Variants in ANKRD36 observed in about 807,000 individuals in gnomAD.
The protein encoded by ANKRD36 is ankyrin repeat domain-containing protein 36A.
In ANKRD36, 179 loss-of-function variants were observed where a neutral mutation model predicts 278.1. That is an observed-to-expected ratio of 0.64 (90% CI 0.57 to 0.73). ANKRD36 has a LOEUF of 0.73. Ranked by LOEUF, ANKRD36 falls within the 30% of genes least tolerant of loss-of-function variation. ANKRD36 has a pLI of 0.00. For synonymous variants in ANKRD36, 320 were observed against 641.1 expected (o/e 0.50, Z 7.57); for missense variants, 1,159 against 1,956.7 (o/e 0.59, Z 7.69).
chr2:97,217,885 GT>G (rs1241881453), intron 64 of ANKRD36, among the ~76,000 whole-genome samples: 1 of 151,518 alleles, frequency 6.6e-6, no homozygotes, highest in Non-Finnish European at 1.5e-5. Context: ...AGTTATTTAG[GT>G]AATTTTGGGG....
intron 22 of ANKRD36, among the ~76,000 whole-genome samples, chr2:97,173,874 TG>T (rs1047855391): frequency 1.6e-4 from 24 of 151,522 alleles, no homozygotes; most frequent in African/African-American, 4.1e-4. Context: ...TTTTGTTTTT[TG>T]GTTTTTTTTT....
intron 69 of ANKRD36, among the ~76,000 whole-genome samples, chr2:97,242,210 A>G (rs1488621966): frequency 1.3e-5 from 2 of 151,640 alleles, no homozygotes; most frequent in East Asian, 1.9e-4. Flanking sequence ...GAATCGCATG[A>G]AACTGGGAGG....
At chr2:97,191,318 A>G (rs1180600906) in intron 36 of ANKRD36, 137 bp downstream of exon 36, 3 of 1,106,290 alleles carry the variant, frequency 2.7e-6, no homozygotes, top group East Asian at 5.6e-5. Flanking sequence ...ATTTGCAGTA[A>G]GTTCTTGGGT....
In ANKRD36 at chr2:97,198,459, T is replaced by A; in HGVS notation, c.2654-4T>A. 5 of 1,578,482 alleles carry A rather than the reference T, an allele frequency of 3.2e-6. No homozygotes were observed. Among genetic ancestry groups the A allele is most frequent in the Non-Finnish European group, 4.3e-6 (5 of 1,164,382 alleles). On this transcript the variant is annotated splice_polypyrimidine_tract_variant and splice_region_variant and intron_variant, in intron 42 of 75. Transcript: ENST00000420699. Reference sequence around the variant, plus strand: ...AGTGATTATGAATCCCTTTTACTTTTCAGTGTCTTCTGAGAAACCACCAGG... The same window carrying A: ...AGTGATTATGAATCCCTTTTACTTTACAGTGTCTTCTGAGAAACCACCAGG...
At chr2:97,212,204 T>C (rs1450327679) in intron 58 of ANKRD36, among the ~76,000 whole-genome samples, 1 of 151,898 alleles carries the variant, frequency 6.6e-6, no homozygotes, top group Non-Finnish European at 1.5e-5. Flanking sequence ...GGAATAGGGA[T>C]TGTGAGTCAG....
chr2:97,242,852 C>G (rs1186666282), intron 69 of ANKRD36, among the ~76,000 whole-genome samples: 21 of 115,300 alleles, frequency 1.8e-4, no homozygotes, highest in Admixed American at 1.2e-3. Flanking sequence ...TTTCAACGTC[C>G]TTTTTCATAA....
At chr2:97,156,043 A>G (rs2047345428) in intron 15 of ANKRD36, among the ~76,000 whole-genome samples, 1 of 146,332 alleles carries the variant, frequency 6.8e-6, no homozygotes, top group South Asian at 2.1e-4. Flanking sequence ...AAAATATGTT[A>G]TAGAAGAAAA....
At chr2:97,182,861 A>G (rs2056573756) in intron 26 of ANKRD36, among the ~76,000 whole-genome samples, 1 of 151,744 alleles carries the variant, frequency 6.6e-6, no homozygotes, top group Non-Finnish European at 1.5e-5. Context: ...TAGGCACATT[A>G]TTACACCACA....
intron 56 of ANKRD36, 40 bp downstream of exon 56, chr2:97,209,912 A>G: frequency 1.9e-6 from 3 of 1,543,864 alleles, no homozygotes; most frequent in Non-Finnish European, 2.6e-6. Flanking sequence ...TTCAGTCCAG[A>G]TAGGTAAGAA....
chr2:97,129,469 A>C (rs2039502010), intron 6 of ANKRD36, among the ~76,000 whole-genome samples: 1 of 151,990 alleles, frequency 6.6e-6, no homozygotes, highest in Admixed American at 6.6e-5. Flanking sequence ...GAAGCTCTTT[A>C]GTTTAATTAG....
At chr2:97,170,067 C>A (rs2051968245) in intron 22 of ANKRD36, among the ~76,000 whole-genome samples, 1 of 151,802 alleles carries the variant, frequency 6.6e-6, no homozygotes. Context: ...GTACAGCTAC[C>A]AAAACAGTGA....
chr2:97,122,499 A>T (rs1289953883), intron 3 of ANKRD36, among the ~76,000 whole-genome samples: 1 of 146,354 alleles, frequency 6.8e-6, no homozygotes, highest in South Asian at 2.3e-4. Context: ...TACCTGAAAC[A>T]TTTATTACTG....
chr2:97,124,429 A>G, intron 4 of ANKRD36, 31 bp from the exon 5 acceptor site: 1 of 1,535,562 alleles, frequency 6.5e-7, no homozygotes, highest in Non-Finnish European at 8.8e-7. Flanking sequence ...AAATGTCATT[A>G]AAGTTTTTAA....
intron 67 of ANKRD36, among the ~76,000 whole-genome samples, chr2:97,230,009 T>TGTTA (rs1350266818): frequency 2.0e-5 from 3 of 152,142 alleles, no homozygotes; most frequent in Non-Finnish European, 4.4e-5. Flanking sequence ...AGAGATCCAC[T>TGTTA]GTTAGTCTGA....
At chr2:97,230,401 C>G (rs1255950020) in intron 67 of ANKRD36, among the ~76,000 whole-genome samples, 1 of 152,100 alleles carries the variant, frequency 6.6e-6, no homozygotes, top group East Asian at 2.0e-4. Flanking sequence ...TCTTCCATCA[C>G]TGATACCCTT....
chr2:97,227,362 C>T (rs2070177248), intron 67 of ANKRD36, among the ~76,000 whole-genome samples: 1 of 152,096 alleles, frequency 6.6e-6, no homozygotes, highest in Admixed American at 6.5e-5. Context: ...AGTTGGATTC[C>T]TAGGTATTTT....
chr2:97,229,493 G>C (rs1467885168), intron 67 of ANKRD36, among the ~76,000 whole-genome samples: 4 of 152,064 alleles, frequency 2.6e-5, no homozygotes, highest in African/African-American at 9.7e-5. Context: ...TTGCTTGGTA[G>C]ATCTTCCTCC....
chr2:97,231,767 A>G (rs1558962245), intron 67 of ANKRD36, among the ~76,000 whole-genome samples: 2 of 152,124 alleles, frequency 1.3e-5, no homozygotes, highest in South Asian at 2.1e-4. Flanking sequence ...GTTCCTATTC[A>G]GCAGTCTTGG....
At chr2:97,220,620 A>G (rs1287520726) in intron 66 of ANKRD36, among the ~76,000 whole-genome samples, 3 of 149,402 alleles carry the variant, frequency 2.0e-5, no homozygotes, top group African/African-American at 7.5e-5. Flanking sequence ...TTTAGAACCC[A>G]TTTTTCTGTT....
Sources: gnomAD v4.1 joint callset for allele counts (sites outside exome capture counted in the v4.1 genomes callset) on GRCh38, gnomAD v4.1.1 for gene constraint, MANE v1.5 for transcripts, NCBI Gene and HGNC (gene_info 2026-07-23, HGNC 2026-07-21) for gene names.